Variants in PTPRB observed in about 807,000 individuals in gnomAD.
PTPRB encodes protein tyrosine phosphatase receptor type B.
PTPRB carries 97 observed loss-of-function variants against 238.1 expected under a neutral mutation model. The ratio of observed to expected loss-of-function variants is 0.41; its 90% CI spans 0.35 to 0.48. PTPRB has a LOEUF of 0.48. PTPRB is among the 20% of genes least tolerant of loss of function. The pLI is 0.30. For synonymous variants in PTPRB, 970 were observed against 995.4 expected, an observed-to-expected ratio of 0.97 and a Z score of 0.48; for missense variants, 2,292 against 2,681.9, an observed-to-expected ratio of 0.85 and a Z score of 3.21.
intron 20 of PTPRB, among the ~76,000 whole-genome samples, chr12:70,554,337 A>G (rs1877331794): frequency 1.3e-5 from 2 of 152,212 alleles, no homozygotes; most frequent in African/African-American, 4.8e-5. Flanking sequence ...GTATAAAAAT[A>G]TATAAGAAAG....
In PTPRB at chr12:70,560,836, C is replaced by T; in HGVS notation, c.4267G>A (p.Glu1423Lys). The change falls in exon 17 of 34, where the codon GAG becomes AAG. Residue 1423 changes from glutamate (E) to lysine (K), a missense_variant. Around this residue, in one of 4 missense-constraint regions of PTPRB, gnomAD observed 683 missense variants for 862.0 expected, o/e 0.79. Coordinates refer to ENST00000334414, the MANE Select transcript of PTPRB (RefSeq NM_001109754.4). The surrounding 1 kb of genome is among the most constrained non-coding windows in gnomAD (Gnocchi z 4.2). Reference protein sequence around the residue: ...SPASGDFDFYELILYNPNGTK... With the variant: ...SPASGDFDFYKLILYNPNGTK... ...CCATTGGGATTATAGAGAATCAGCT[C>T]ATAAAAGTCAAAGTCCCCAGAGGCT... The T allele has an allele frequency of 6.2e-7, 1 of 1,613,966 alleles. No homozygotes were observed. Among genetic ancestry groups the T allele is most frequent in the Non-Finnish European group, 8.5e-7 (1 of 1,179,900 alleles).
chr12:70,592,577 A>T, intron 6 of PTPRB, 32 bp from the exon 7 acceptor site: 1 of 1,594,734 alleles, frequency 6.3e-7, no homozygotes, highest in Non-Finnish European at 8.5e-7. Context: ...GGAGACTTTT[A>T]CTCAGGATCT....
chr12:70,562,280 TCC>T (rs570819752), intron 16 of PTPRB, among the ~76,000 whole-genome samples: 1 of 150,824 alleles, frequency 6.6e-6, no homozygotes, highest in African/African-American at 2.4e-5. Context: ...TGAGAACTCG[TCC>T]CCCCCCAAAA....
chr12:70,602,658 C>T (rs1883608438), intron 4 of PTPRB, among the ~76,000 whole-genome samples: 1 of 152,016 alleles, frequency 6.6e-6, no homozygotes, highest in South Asian at 2.1e-4. Context: ...AAATGATGTG[C>T]AGTGGGGGAG....
chr12:70,601,448 T>C (rs1195564024), intron 4 of PTPRB, among the ~76,000 whole-genome samples: 1 of 152,214 alleles, frequency 6.6e-6, no homozygotes, highest in Non-Finnish European at 1.5e-5. Flanking sequence ...TTCTAGGCAC[T>C]TGAGTTCTTC....
intron 15 of PTPRB, among the ~76,000 whole-genome samples, chr12:70,564,994 ATTTAT>A (rs1481818161): frequency 6.6e-6 from 1 of 151,702 alleles, no homozygotes; most frequent in African/African-American, 2.4e-5. Context: ...TCTTTTACTT[ATTTAT>A]TTTATTTATT....
intron 17 of PTPRB, among the ~76,000 whole-genome samples, 163 bp from the exon 18 acceptor site, chr12:70,559,787 TGTGTA>T (rs1878227766): frequency 1.3e-5 from 2 of 151,932 alleles, no homozygotes; most frequent in Non-Finnish European, 2.9e-5. Context: ...GTGTTTATTA[TGTGTA>T]AGGCACTGTC....
At chr12:70,554,409 C>A (rs1877343343) in intron 20 of PTPRB, among the ~76,000 whole-genome samples, 1 of 152,142 alleles carries the variant, frequency 6.6e-6, no homozygotes, top group Admixed American at 6.6e-5. Context: ...ACACACAAGA[C>A]CTCAATGGCG....
At chr12:70,547,130 C>G (rs375589023) in intron 21 of PTPRB, among the ~76,000 whole-genome samples, 1 of 152,012 alleles carries the variant, frequency 6.6e-6, no homozygotes, top group Non-Finnish European at 1.5e-5. Flanking sequence ...ACCCTGCTCC[C>G]GCTTCTTCTG....
chr12:70,533,134 C>T (rs1314001967), intron 31 of PTPRB, among the ~76,000 whole-genome samples: 1 of 152,138 alleles, frequency 6.6e-6, no homozygotes, highest in Non-Finnish European at 1.5e-5. Context: ...TTCAGCTGCA[C>T]TAGGGATTGC....
chr12:70,566,577 G>C lies in PTPRB; in HGVS notation c.3762C>G (p.Ile1254Met). 1 of 1,613,976 alleles carries C rather than the reference G, an allele frequency of 6.2e-7. No homozygotes were observed. The highest frequency in any genetic ancestry group is 8.5e-7 in the Non-Finnish European group (1 of 1,179,892). Residue 1254 changes from isoleucine to methionine, a missense_variant, in exon 15 of 34, where the codon ATC becomes ATG. Physicochemically the swap from Ile to Met is conservative, Grantham distance 10 (BLOSUM62 1). Around this residue, in one of 4 missense-constraint regions of PTPRB, gnomAD observed 683 missense variants for 862.0 expected, o/e 0.79. Coordinates refer to ENST00000334414, the MANE Select transcript of PTPRB (RefSeq NM_001109754.4). ...CTGGCTCTGATGTGTTGCGCAGAAG[G>C]ATTCCATTTTCAGTTAGAAGCAGGA... is the stretch of plus-strand genomic sequence containing the variant. ...YDILLLTENG[I>M]LLRNTSEPAT...
chr12:70,563,967 G>A (rs1878868759), intron 15 of PTPRB, among the ~76,000 whole-genome samples: 1 of 152,060 alleles, frequency 6.6e-6, no homozygotes, highest in African/African-American at 2.4e-5. Context: ...TCCTATGACT[G>A]CAGTCATGTC....
rs764402476 is a variant in PTPRB at position 70,587,025 on chromosome 12, A to C, written c.2293T>G (p.Ser765Ala). The change falls in exon 9 of 34, where the codon TCA becomes GCA. Residue 765 changes from serine to alanine, a missense_variant. Ser to Ala is a moderately conservative substitution (Grantham distance 99). This residue lies in a region of PTPRB where 1,205 missense variants were observed against 1,287.8 expected (regional missense o/e 0.94). Transcript: ENST00000334414. Reference protein sequence around the residue: ...SISGDLKNSSSVKGRTVPAQV... With the variant: ...SISGDLKNSSAVKGRTVPAQV... The stretch of plus-strand genomic sequence containing the variant: ...TTACTACCTGTTCTTCCTTTTACTG[A>C]AGAGGAATTTTTTAAGTCTCCACTA... 8.1e-6 allele frequency: 13 copies of C among 1,613,396 alleles called. No individual in the cohort carries two copies. The highest frequency in any genetic ancestry group is 2.2e-5 in the South Asian group (2 of 91,050).
intron 2 of PTPRB, among the ~76,000 whole-genome samples, chr12:70,633,421 C>G (rs1243623730): frequency 6.6e-6 from 1 of 151,928 alleles, no homozygotes; most frequent in African/African-American, 2.4e-5. Flanking sequence ...GCCTGGGCAA[C>G]AGAGCAAGAC....
intron 11 of PTPRB, among the ~76,000 whole-genome samples, chr12:70,573,509 T>C (rs1448731781): frequency 1.2e-4 from 16 of 136,758 alleles, no homozygotes; most frequent in South Asian, 4.4e-4. Flanking sequence ...TCTTTTCTTT[T>C]TTTTTTTTTT....
intron 3 of PTPRB, among the ~76,000 whole-genome samples, chr12:70,619,209 T>C (rs1276675769): frequency 6.6e-6 from 1 of 150,950 alleles, no homozygotes; most frequent in Non-Finnish European, 1.5e-5. Flanking sequence ...CTTCTTGGTC[T>C]GTTATTCCCT....
Position 70,569,838 on chromosome 12 carries a change from C to T in PTPRB, c.3471G>A (p.Thr1157=), listed in dbSNP as rs61757802. ...TTTGACTGTGCCTGAATGCCGACAC[C>T]GTGTAGGAATCAACGTCTCCCCCAC... ...TPGGGDVDSY[T]VSAFRHSQKV... The change falls in exon 14 of 34, where the codon ACG becomes ACA. Residue 1157 remains threonine, a synonymous_variant. Coordinates refer to ENST00000334414, the MANE Select transcript of PTPRB (RefSeq NM_001109754.4). 1,165 of 1,613,902 alleles carry T rather than the reference C, an allele frequency of 7.2e-4. 15 individuals carry two copies. The South Asian group carries it at 0.012, about 16-fold the overall frequency.
chr12:70,577,733 C>T (rs1880944142), intron 10 of PTPRB, among the ~76,000 whole-genome samples: 1 of 152,086 alleles, frequency 6.6e-6, no homozygotes. Context: ...CCAAAGCATA[C>T]CTTATACTTA....
intron 3 of PTPRB, among the ~76,000 whole-genome samples, chr12:70,618,830 C>A (rs1167802127): frequency 6.6e-6 from 1 of 152,158 alleles, no homozygotes; most frequent in Non-Finnish European, 1.5e-5. Context: ...AGGCACTACT[C>A]TAGGCCTATG....
Sources: gnomAD v4.1 joint callset for allele counts (sites outside exome capture counted in the v4.1 genomes callset) on GRCh38, gnomAD v4.1.1 for gene constraint, gnomAD v4.1.1 regional missense constraint, Gnocchi (gnomAD v3.1) non-coding constraint, MANE v1.5 for transcripts, NCBI Gene and HGNC (gene_info 2026-07-23, HGNC 2026-07-21) for gene names.